Variants in SLC12A6 observed in about 807,000 individuals in gnomAD.
The protein encoded by SLC12A6 is K-Cl cotransporter 3.
Under a neutral mutation model 135.3 loss-of-function variants are expected in SLC12A6, and 66 were observed. The ratio of observed to expected loss-of-function variants is 0.49; its 90% confidence interval spans 0.40 to 0.60. The LOEUF (loss-of-function observed/expected upper bound fraction) is 0.60. SLC12A6 is among the 20% of genes least tolerant of loss of function. SLC12A6 has a pLI of 0.00. For missense variants in SLC12A6, 1,058 were observed against 1,452.3 expected (o/e 0.73, Z 4.41); for synonymous variants, 513 against 508.8 (o/e 1.01, Z -0.11).
chr15:34,241,226 T>G lies in SLC12A6; in HGVS notation c.2267+7A>C, dbSNP rs764675116. 1.4e-6 allele frequency: 2 copies of G among 1,471,390 alleles called. No homozygotes were observed. The highest frequency in any genetic ancestry group is 1.9e-6 in the Non-Finnish European group (2 of 1,049,696). 91.1% of individuals were successfully genotyped at this position (1,471,390 alleles called of 1,614,324 possible). A position where few individuals can be genotyped will look rare whatever the true frequency, so the allele number is the denominator to read the frequency against. On this transcript the variant is annotated splice_region_variant and intron_variant, in intron 18 of 25. Coordinates refer to ENST00000354181, the MANE Select transcript of SLC12A6 (RefSeq NM_001365088.1). ...GTGCCAAATACTGCTAGTGTTGATT[T>G]CTTTACCTCCAGTTTTTAGTGTGTG...
intron 3 of SLC12A6, among the ~76,000 whole-genome samples, chr15:34,271,612 C>CACACACACACACACAA (rs1893954631): frequency 6.6e-6 from 1 of 151,854 alleles, no homozygotes; most frequent in African/African-American, 2.4e-5. Flanking sequence ...TACACACACA[C>CACACACACACACACAA]ACACACACAC....
chr15:34,273,107 T>C (rs1201617501), intron 3 of SLC12A6, among the ~76,000 whole-genome samples: 1 of 152,170 alleles, frequency 6.6e-6, no homozygotes, highest in Non-Finnish European at 1.5e-5. Context: ...TCCCAGCACT[T>C]TGAGAGGCCA....
rs150493239 is a variant in SLC12A6 at position 34,253,903 on chromosome 15, T to C, written c.1118+445A>G. Among the ~76,000 whole-genome samples, 1,210 of 152,264 alleles carry C rather than the reference T, an allele frequency of 7.9e-3. 14 individuals carry two copies. Among genetic ancestry groups the C allele is most frequent in the African/African-American group, 0.028 (1,160 of 41,550 alleles). The stretch of plus-strand genomic sequence containing the variant: ...GAGTACTTAATGGGTACAAAGTACA[T>C]TATTTGGGTAATGGATAAAAGCCCT... On this transcript the variant is annotated intron_variant, in intron 9 of 25. Transcript: ENST00000354181.
At chr15:34,240,905 C>T in intron 18 of SLC12A6, 76 bp from the exon 19 acceptor site, 2 of 1,120,570 alleles carry the variant, frequency 1.8e-6, no homozygotes, top group Non-Finnish European at 2.6e-6. Context: ...CAGACTCCAC[C>T]CTTTAATTCA....
chr15:34,295,079 T>G (rs1219954720), intron 2 of SLC12A6, among the ~76,000 whole-genome samples: 1 of 152,248 alleles, frequency 6.6e-6, no homozygotes, highest in Non-Finnish European at 1.5e-5. Flanking sequence ...AGGGTATGTA[T>G]GTGATAGACA....
chr15:34,240,740 C>T lies in SLC12A6; in HGVS notation c.2357G>A (p.Gly786Glu). 2 of 1,614,028 alleles carry T rather than the reference C, an allele frequency of 1.2e-6. No individual in the cohort carries two copies. The highest frequency in any genetic ancestry group is 1.7e-6 in the Non-Finnish European group (2 of 1,179,894). The change falls in exon 19 of 26, where the codon GGA (glycine) becomes GAA (glutamate). Residue 786 changes from glycine (G) to glutamate (E), a missense_variant. Physicochemically the swap from Gly to Glu is moderately conservative, Grantham distance 98. This residue lies in a region of SLC12A6 where 170 missense variants were observed against 297.6 expected (regional missense o/e 0.57). Transcript: ENST00000354181. ...AGAGCCCACAATAGTGAGACCTTTT[C>T]CTGCTTTGAGCTGTGAGGCAAAGGT... ...LLTFASQLKA[G>E]KGLTIVGSVI...
intron 2 of SLC12A6, among the ~76,000 whole-genome samples, chr15:34,331,430 C>T (rs566064122): frequency 2.6e-5 from 4 of 152,316 alleles, no homozygotes; most frequent in East Asian, 1.9e-4. Flanking sequence ...CGTGAGCCAC[C>T]GCGCCCAGCC....
rs1466635991 is a variant in SLC12A6 at position 34,231,002 on chromosome 15, T to C, written c.*2879A>G. ...AAAAATATTACTTTGGCCAGGGGTG[T>C]GTGTAAATGTGGCAGAATTCCTAGG... On this transcript the variant is annotated 3_prime_UTR_variant, in exon 26 of 26. Coordinates refer to ENST00000354181, the MANE Select transcript of SLC12A6 (RefSeq NM_001365088.1). 6.6e-6 allele frequency: 1 copy of C among 152,194 alleles called. No homozygotes were observed. Among genetic ancestry groups the C allele is most frequent in the East Asian group, 1.9e-4 (1 of 5,200 alleles). 9.4% of individuals were successfully genotyped at this position (152,194 alleles called of 1,614,324 possible). A position where few individuals can be genotyped will look rare whatever the true frequency, so the allele number is the denominator to read the frequency against.
chr15:34,296,222 C>G (rs1201084567), intron 2 of SLC12A6, among the ~76,000 whole-genome samples: 1 of 152,076 alleles, frequency 6.6e-6, no homozygotes, highest in Admixed American at 6.5e-5. Flanking sequence ...CATTAAGCAG[C>G]TCATAATCTA....
chr15:34,297,085 G>A (rs1031399350), intron 2 of SLC12A6, among the ~76,000 whole-genome samples: 1 of 152,142 alleles, frequency 6.6e-6, no homozygotes, highest in African/African-American at 2.4e-5. Context: ...AAAGTTGGAA[G>A]CACTTTGCCA....
At chr15:34,293,808 T>A (rs1895703735) in intron 2 of SLC12A6, among the ~76,000 whole-genome samples, 1 of 152,212 alleles carries the variant, frequency 6.6e-6, no homozygotes, top group South Asian at 2.1e-4. Context: ...CTCCCTATGT[T>A]GCCCAGGCTG....
intron 3 of SLC12A6, among the ~76,000 whole-genome samples, chr15:34,267,237 T>TAAA (rs34850005): frequency 2.8e-5 from 4 of 143,812 alleles, no homozygotes; most frequent in Admixed American, 7.0e-5. Flanking sequence ...AGTCTCTTTT[T>TAAA]AAAAAAAAAA....
At chr15:34,272,353 A>C (rs16958910) in intron 3 of SLC12A6, among the ~76,000 whole-genome samples, 20,562 of 152,266 alleles carry the variant, frequency 0.14, 1,506 homozygotes, top group East Asian at 0.32. Context: ...AAAATCTTTC[A>C]GTCTTTTGCA....
At chr15:34,266,650 T>C (rs889582335) in intron 3 of SLC12A6, among the ~76,000 whole-genome samples, 15 of 152,084 alleles carry the variant, frequency 9.9e-5, no homozygotes, top group Admixed American at 3.9e-4. Context: ...CTATGTTGCC[T>C]CGTATTCCTA....
intron 3 of SLC12A6, among the ~76,000 whole-genome samples, chr15:34,262,319 G>GGCCCCA (rs1566822427): frequency 6.6e-6 from 1 of 151,862 alleles, no homozygotes; most frequent in Non-Finnish European, 1.5e-5. Context: ...AGCCCATAAA[G>GGCCCCA]GCCCCAGCCC....
chr15:34,331,799 T>C lies in SLC12A6; in HGVS notation c.271+4611A>G, dbSNP rs867405084. Among the ~76,000 whole-genome samples the C allele has an allele frequency of 1.4e-4, 22 of 152,212 alleles. No homozygotes were observed. In the South Asian group the frequency reaches 1.7e-3, roughly 11 times the overall value. On this transcript the variant is annotated intron_variant, in intron 2 of 25. Coordinates refer to ENST00000354181, the MANE Select transcript of SLC12A6 (RefSeq NM_001365088.1). ...GGATATGGGGTTCAATCAGAAAAGG[T>C]TTCAGAGAGGACATGACTCCTTAAA... is the stretch of plus-strand genomic sequence containing the variant.
In SLC12A6 at chr15:34,239,167, G is replaced by C. The variant is rs770065067; in HGVS notation, c.2437-7C>G. ...CCATTAGGTGCTTTATGGTCTGAAA[G>C]AGACACAGGACCGCAACACTGAACT... On this transcript the variant is annotated splice_polypyrimidine_tract_variant and splice_region_variant and intron_variant, in intron 19 of 25. Transcript: ENST00000354181. The C allele has an allele frequency of 1.3e-5, 21 of 1,605,510 alleles. No homozygotes were observed. Among genetic ancestry groups the C allele is most frequent in the Non-Finnish European group, 1.7e-5 (20 of 1,172,398 alleles).
chr15:34,238,870 G>A (rs1891452325), intron 20 of SLC12A6, 95 bp downstream of exon 20: 3 of 1,084,546 alleles, frequency 2.8e-6, no homozygotes, highest in African/African-American at 3.1e-5. Flanking sequence ...CTTCAGCAAT[G>A]GCATAGTCTC....
At chr15:34,328,310 T>C (rs1889611335) in intron 2 of SLC12A6, among the ~76,000 whole-genome samples, 2 of 152,234 alleles carry the variant, frequency 1.3e-5, no homozygotes, top group Admixed American at 6.5e-5. Flanking sequence ...CAGACTGACT[T>C]ATTTACAATA....
Sources: gnomAD v4.1 joint callset for allele counts (sites outside exome capture counted in the v4.1 genomes callset) on GRCh38, gnomAD v4.1.1 for gene constraint, gnomAD v4.1.1 regional missense constraint, MANE v1.5 for transcripts, NCBI Gene and HGNC (gene_info 2026-07-23, HGNC 2026-07-21) for gene names.